MGAM: variants seen among roughly 807,000 people sequenced by gnomAD.
MGAM encodes the protein alpha-1,4-glucosidase.
Under a neutral mutation model 358.8 loss-of-function variants are expected in MGAM, and 253 were observed. The ratio of observed to expected loss-of-function variants is 0.71; its 90% confidence interval spans 0.64 to 0.78. The LOEUF (loss-of-function observed/expected upper bound fraction) is 0.78. Ranked by LOEUF, MGAM falls within the 30% of genes least tolerant of loss-of-function variation. The pLI is 0.00. For synonymous variants in MGAM, 1,105 were observed against 1,227.1 expected (o/e 0.90, Z 2.08); for missense variants, 3,080 against 3,432.6 (o/e 0.90, Z 2.57).
At chr7:141,999,184 T>C (rs77768615) in intron 1 of MGAM, among the ~76,000 whole-genome samples, 14,203 of 152,216 alleles carry the variant, frequency 0.093, 781 homozygotes, top group African/African-American at 0.14. Flanking sequence ...CATGAATGAA[T>C]AAATAAACTG....
At chr7:142,017,686 G>C (rs1209675685) in intron 3 of MGAM, among the ~76,000 whole-genome samples, 2 of 152,182 alleles carry the variant, frequency 1.3e-5, no homozygotes, top group African/African-American at 2.4e-5. Flanking sequence ...GATTGAGGTT[G>C]AGTTCACAGT....
intron 10 of MGAM, among the ~76,000 whole-genome samples, chr7:142,029,378 C>A (rs535869385): frequency 6.6e-6 from 1 of 151,794 alleles, no homozygotes; most frequent in Non-Finnish European, 1.5e-5. Context: ...AAAAAGGACT[C>A]CATTTAAGAT....
chr7:142,066,932 T>C (rs1208978692), intron 41 of MGAM, among the ~76,000 whole-genome samples: 1 of 146,228 alleles, frequency 6.8e-6, no homozygotes, highest in Non-Finnish European at 1.5e-5. Context: ...ATGACGAAAA[T>C]TGAAATGATG....
At position 142,018,891 on chromosome 7, in the gene MGAM, T is replaced by A. The variant is rs1806178698; in HGVS notation, c.328-308T>A. Among the ~76,000 whole-genome samples, 7 of 152,252 alleles carry A rather than the reference T, an allele frequency of 4.6e-5. No homozygotes were observed. The South Asian group carries it at 1.4e-3, about 32-fold the overall frequency. On this transcript the variant is annotated intron_variant, in intron 3 of 70. Coordinates refer to ENST00000475668, the MANE Select transcript of MGAM (RefSeq NM_001365693.1). ...AGCTCCATTTGTAATTTTGGATTAC[T>A]GGTGATATAGCTATATTATTGTTTA...
intron 7 of MGAM, among the ~76,000 whole-genome samples, chr7:142,024,412 TG>T (rs199502398): frequency 3.9e-5 from 3 of 77,014 alleles, no homozygotes; most frequent in Non-Finnish European, 7.6e-5. Context: ...AGACCCTGTC[TG>T]GAAAAAAAAA....
At chr7:142,001,071 A>G (rs1554450490) in intron 1 of MGAM, among the ~76,000 whole-genome samples, 1 of 152,214 alleles carries the variant, frequency 6.6e-6, no homozygotes, top group Non-Finnish European at 1.5e-5. Context: ...ATTTAATTAT[A>G]CCAGGCATGA....
At chr7:142,056,697 G>A in intron 29 of MGAM, 133 bp from the exon 30 acceptor site, 3 of 790,778 alleles carry the variant, frequency 3.8e-6, no homozygotes, top group South Asian at 3.6e-5. Context: ...AGTTCTGTGA[G>A]TATGATAGAA....
rs782606103 is a variant in MGAM, at chr7:142,022,376, G to A, written c.819G>A (p.Gln273=). 1.2e-5 allele frequency: 20 copies of A among 1,613,612 alleles called. No individual in the cohort carries two copies. The East Asian group carries it at 3.8e-4, about 31-fold the overall frequency. Residue 273 remains glutamine (Q), a synonymous_variant, in exon 7 of 71, where the codon CAG becomes CAA. Transcript: ENST00000475668. ...GCCTGGGAGAGCATGTGCACCAGCA[G>A]TATCGGCATGATATGAATTGGAAGA... ...VYGLGEHVHQ[Q]YRHDMNWKTW...
At chr7:142,092,345 G>A (rs143162277) in intron 58 of MGAM, among the ~76,000 whole-genome samples, 176 bp from the exon 59 acceptor site, 20 of 145,608 alleles carry the variant, frequency 1.4e-4, no homozygotes, top group African/African-American at 4.9e-4. Context: ...CAGTTGTTCT[G>A]TAGGGGTGAA....
chr7:142,046,101 T>G (rs893700739), intron 21 of MGAM, among the ~76,000 whole-genome samples: 1 of 137,356 alleles, frequency 7.3e-6, no homozygotes. Context: ...TAATTATATA[T>G]TTATTTTTAT....
intron 21 of MGAM, among the ~76,000 whole-genome samples, chr7:142,044,196 TATAATATATACATTATATACACATAC>T: frequency 7.3e-6 from 1 of 136,254 alleles, no homozygotes; most frequent in South Asian, 2.2e-4. Context: ...ACATATAATA[TATAATATATACATTATATACACATAC>T]GACATATAAT....
At chr7:141,995,682 C>G (rs1329807958), upstream of MGAM, among the ~76,000 whole-genome samples, 5 of 152,206 alleles carry the variant, frequency 3.3e-5, no homozygotes, top group African/African-American at 1.2e-4. Context: ...GTCATGGGAG[C>G]TGGCTTTTCC....
At position 142,092,414 on chromosome 7, in the gene MGAM, T is replaced by C. The variant is rs1381293486; in HGVS notation, c.6946-107T>C. ...ATGAAGCTCCCAGGGCTGGCATCTA[T>C]AGGGATTACTGGATGTTGAACAATG... On this transcript the variant is annotated intron_variant, in intron 58 of 70. Transcript: ENST00000475668. The C allele has an allele frequency of 1.6e-5, 18 of 1,148,574 alleles. 2 individuals are homozygous for C. The highest frequency in any genetic ancestry group is 2.3e-5 in the Non-Finnish European group (18 of 798,854). The allele number at this position is 1,148,574 out of a possible 1,614,324, so 71.1% of individuals were successfully genotyped here. A position where few individuals can be genotyped will look rare whatever the true frequency, so the allele number is the denominator to read the frequency against.
intron 66 of MGAM, among the ~76,000 whole-genome samples, chr7:142,099,030 TGCATATTTGTTC>T (rs1252510075): frequency 6.6e-6 from 1 of 152,202 alleles, no homozygotes; most frequent in African/African-American, 2.4e-5. Flanking sequence ...AACACAGCCA[TGCATATTTGTTC>T]GCTTGTTGTC....
intron 3 of MGAM, among the ~76,000 whole-genome samples, chr7:142,018,640 C>G (rs1217302964): frequency 6.6e-6 from 1 of 152,152 alleles, no homozygotes; most frequent in Non-Finnish European, 1.5e-5. Flanking sequence ...AGGCACACAC[C>G]TTTCTTAAGT....
chr7:142,060,192 T>TAC, intron 33 of MGAM, 119 bp from the exon 34 acceptor site: 1 of 1,417,268 alleles, frequency 7.1e-7, no homozygotes, highest in Non-Finnish European at 9.8e-7. Context: ...ATGTCAATCC[T>TAC]ATGTGATAGT....
chr7:142,036,323 C>T, intron 17 of MGAM, 38 bp downstream of exon 17: 1 of 1,478,094 alleles, frequency 6.8e-7, no homozygotes, highest in South Asian at 1.2e-5. Flanking sequence ...ATAAATTTGG[C>T]ATACATTAGG....
chr7:142,103,858 A>ATTT (rs111391825), intron 70 of MGAM, among the ~76,000 whole-genome samples: 1 of 143,140 alleles, frequency 7.0e-6, no homozygotes, highest in Non-Finnish European at 1.5e-5. Context: ...TTATCACTCA[A>ATTT]TTTTTTTTTT....
rs6972387 is a variant in MGAM at position 142,025,038 on chromosome 7, C to G, written c.883-12C>G. ...TAGTTGTAAATTTTGGTTTTTAATT[C>G]TCTTTCTGCAGAACGGAACTAATTT... On this transcript the variant is annotated splice_polypyrimidine_tract_variant and intron_variant, in intron 7 of 70. Transcript: ENST00000475668. 1.9e-6 allele frequency: 3 copies of G among 1,608,806 alleles called. No individual in the cohort carries two copies. In the African/African-American group the frequency reaches 4.0e-5, roughly 22 times the overall value.
Sources: gnomAD v4.1 joint callset for allele counts (sites outside exome capture counted in the v4.1 genomes callset) on GRCh38, gnomAD v4.1.1 for gene constraint, MANE v1.5 for transcripts, NCBI Gene and HGNC (gene_info 2026-07-23, HGNC 2026-07-21) for gene names.